Variants in MAGI2 observed in about 807,000 individuals in gnomAD.
MAGI2 encodes the protein membrane-associated guanylate kinase, WW and PDZ domain-containing protein 2.
In MAGI2, 35 loss-of-function variants were observed where a neutral mutation model predicts 133.3. The ratio of observed to expected loss-of-function variants is 0.26; its 90% CI spans 0.20 to 0.35. MAGI2 has a LOEUF of 0.35. Ranked by LOEUF, MAGI2 falls within the 10% of genes least tolerant of loss-of-function variation. The probability of loss-of-function intolerance (pLI) is 1.00; values close to 1 mark genes in which losing one functional copy is unlikely to be tolerated. For synonymous variants in MAGI2, 729 were observed against 710.6 expected (o/e 1.03, Z -0.41); for missense variants, 1,636 against 1,863.4 (o/e 0.88, Z 2.25).
chr7:79,347,693 T>C (rs1841424240), intron 1 of MAGI2, among the ~76,000 whole-genome samples: 1 of 151,868 alleles, frequency 6.6e-6, no homozygotes, highest in Non-Finnish European at 1.5e-5. Flanking sequence ...ACTAAGAAGA[T>C]TCCTTACAGA....
chr7:79,386,318 G>T (rs1280612804), intron 1 of MAGI2, among the ~76,000 whole-genome samples: 1 of 151,892 alleles, frequency 6.6e-6, no homozygotes, highest in Admixed American at 6.6e-5. Context: ...GTCACTTCTG[G>T]TGATTAAAAG....
chr7:78,775,525 C>T (rs555698962), intron 2 of MAGI2, among the ~76,000 whole-genome samples: 22 of 151,958 alleles, frequency 1.4e-4, no homozygotes, highest in African/African-American at 4.3e-4. Context: ...CCTTTGATTC[C>T]CCTTCCTGAA....
chr7:78,657,997 A>C (rs1397041793), intron 2 of MAGI2, among the ~76,000 whole-genome samples: 3 of 152,178 alleles, frequency 2.0e-5, no homozygotes, highest in Non-Finnish European at 4.4e-5. Flanking sequence ...AAAAGAAATC[A>C]AACAACCAAT....
At chr7:78,427,493 T>C (rs1230830142) in intron 6 of MAGI2, among the ~76,000 whole-genome samples, 2 of 152,074 alleles carry the variant, frequency 1.3e-5, no homozygotes, top group African/African-American at 4.8e-5. Flanking sequence ...ATGAGGAATA[T>C]TTCATGATGA....
intron 1 of MAGI2, among the ~76,000 whole-genome samples, chr7:79,298,944 A>G (rs192243708): frequency 6.6e-6 from 1 of 152,178 alleles, no homozygotes; most frequent in Non-Finnish European, 1.5e-5. Context: ...TCAGGCTTCT[A>G]ATCTCCAAAA....
At chr7:78,797,675 A>G (rs1224626611) in intron 2 of MAGI2, among the ~76,000 whole-genome samples, 1 of 152,198 alleles carries the variant, frequency 6.6e-6, no homozygotes, top group Non-Finnish European at 1.5e-5. Context: ...TTTAATGTTC[A>G]AAAGTTTTAT....
At chr7:78,581,052 G>A (rs760633918) in intron 3 of MAGI2, among the ~76,000 whole-genome samples, 2 of 152,074 alleles carry the variant, frequency 1.3e-5, no homozygotes, top group Non-Finnish European at 2.9e-5. Flanking sequence ...CATAATTTCA[G>A]CTTCTACTTT....
intron 1 of MAGI2, among the ~76,000 whole-genome samples, chr7:79,171,763 TATATATA>T (rs1351725033): frequency 2.1e-5 from 1 of 47,400 alleles, no homozygotes; most frequent in African/African-American, 6.6e-5. Context: ...TATATATATA[TATATATA>T]TTTTTTTTTT....
chr7:78,110,262 A>G (rs1369123038), intron 20 of MAGI2, among the ~76,000 whole-genome samples: 1 of 152,206 alleles, frequency 6.6e-6, no homozygotes, highest in Non-Finnish European at 1.5e-5. Flanking sequence ...ACACAAGCAC[A>G]GTCATGCTAC....
rs1203638943 is a variant in MAGI2, at chr7:78,148,596, C to T, written c.2845+11429G>A. 1.2e-4 allele frequency among the ~76,000 whole-genome samples: 18 copies of T among 152,028 alleles called. 1 individual carries two copies. The highest frequency in any genetic ancestry group is 1.2e-3 in the Admixed American group (18 of 15,260). The stretch of plus-strand genomic sequence containing the variant: ...GAATAACTAGGAGACAGGAGGTGAG[C>T]AGGGGAAAGTGTAAGGGTTGGAAGT... On this transcript the variant is annotated intron_variant, in intron 16 of 21. Coordinates refer to ENST00000354212, the MANE Select transcript of MAGI2 (RefSeq NM_012301.4).
chr7:78,975,926 A>T (rs757850411), intron 2 of MAGI2, among the ~76,000 whole-genome samples: 1 of 151,736 alleles, frequency 6.6e-6, no homozygotes, highest in Non-Finnish European at 1.5e-5. Flanking sequence ...ACATGAAATG[A>T]ATCAATTCCT....
At chr7:78,542,815 A>G (rs1249277279) in intron 3 of MAGI2, among the ~76,000 whole-genome samples, 4 of 152,204 alleles carry the variant, frequency 2.6e-5, no homozygotes, top group Non-Finnish European at 5.9e-5. Context: ...GTTTTATGCA[A>G]GGGGCTAACT....
intron 2 of MAGI2, among the ~76,000 whole-genome samples, chr7:78,768,851 C>G (rs1825291484): frequency 6.6e-6 from 1 of 152,192 alleles, no homozygotes; most frequent in Admixed American, 6.5e-5. Context: ...CACTGTACCT[C>G]TTGCCTAAGA....
chr7:79,374,482 A>G (rs1364848423), intron 1 of MAGI2, among the ~76,000 whole-genome samples: 1 of 151,988 alleles, frequency 6.6e-6, no homozygotes, highest in African/African-American at 2.4e-5. Context: ...GGCCCCGCCA[A>G]CACCTTGCTT....
chr7:78,779,609 C>A (rs1485147240), intron 2 of MAGI2, among the ~76,000 whole-genome samples: 1 of 152,210 alleles, frequency 6.6e-6, no homozygotes, highest in Non-Finnish European at 1.5e-5. Context: ...CCCTGGATAA[C>A]TTATTTAATG....
At chr7:78,291,988 C>T (rs1475810964) in intron 9 of MAGI2, among the ~76,000 whole-genome samples, 1 of 152,070 alleles carries the variant, frequency 6.6e-6, no homozygotes, top group Non-Finnish European at 1.5e-5. Context: ...ACTGAATGGG[C>T]AAAAACTGGA....
chr7:78,304,742 T>C (rs181004591), intron 9 of MAGI2, among the ~76,000 whole-genome samples: 10 of 152,190 alleles, frequency 6.6e-5, no homozygotes, highest in Admixed American at 1.3e-4. Context: ...ATAAGACGTA[T>C]TGGGGGAAGA....
At chr7:78,212,123 G>A (rs529707400) in intron 10 of MAGI2, among the ~76,000 whole-genome samples, 3 of 152,104 alleles carry the variant, frequency 2.0e-5, no homozygotes, top group African/African-American at 4.8e-5. Flanking sequence ...GCTACAGTTC[G>A]TTTTATACCA....
intron 1 of MAGI2, among the ~76,000 whole-genome samples, chr7:79,444,760 T>C (rs1848726120): frequency 6.6e-6 from 1 of 152,170 alleles, no homozygotes; most frequent in Non-Finnish European, 1.5e-5. Flanking sequence ...ATAGATTCAA[T>C]GCTATCCCCA....
Sources: gnomAD v4.1 joint callset for allele counts (sites outside exome capture counted in the v4.1 genomes callset) on GRCh38, gnomAD v4.1.1 for gene constraint, MANE v1.5 for transcripts, NCBI Gene and HGNC (gene_info 2026-07-23, HGNC 2026-07-21) for gene names.